LRRFIP2: variants seen among roughly 807,000 people sequenced by gnomAD.
The protein encoded by LRRFIP2 is LRR binding FLII interacting protein 2, also known as leucine-rich repeat flightless-interacting protein 2.
A neutral mutation model predicts 125.9 loss-of-function variants in LRRFIP2; 109 were observed. The ratio of observed to expected loss-of-function variants is 0.87; its 90% CI spans 0.74 to 1.01. The LOEUF (loss-of-function observed/expected upper bound fraction) is 1.01, where lower values mean the gene tolerates loss of function less well. Among genes scored for constraint, LRRFIP2 ranks in the 50% least tolerant of loss-of-function variants. LRRFIP2 has a pLI of 0.00. For missense variants in LRRFIP2, 850 were observed against 862.3 expected (o/e 0.99, Z 0.18); for synonymous variants, 291 against 293.1 (o/e 0.99, Z 0.07).
chr3:37,164,669 C>A (rs1032189185), intron 1 of LRRFIP2, among the ~76,000 whole-genome samples: 8 of 148,330 alleles, frequency 5.4e-5, no homozygotes, highest in Non-Finnish European at 8.9e-5. Context: ...TGCAGTGAGC[C>A]AAGATCATGC....
Position 37,112,978 on chromosome 3 carries a change from A to C in LRRFIP2, c.375T>G (p.Asn125Lys), listed in dbSNP as rs1458155433. The change falls in exon 8 of 28, where the codon AAT becomes AAG. Residue 125 changes from asparagine to lysine, a missense_variant and splice_region_variant. Coordinates refer to ENST00000336686, the MANE Select transcript of LRRFIP2 (RefSeq NM_006309.4). ...TTCCATGAGAGTGACTGTAAGAATG[A>C]TTCTGGAAGTAAATATTCCAAGTTA... ...KDRSSRLSSL[N>K]HSYSHSHGMK... The C allele has an allele frequency of 6.4e-7, 1 of 1,561,940 alleles. No homozygotes were observed. The highest frequency in any genetic ancestry group is 1.1e-5 in the South Asian group (1 of 87,508).
rs74270642 is a variant in LRRFIP2, at chr3:37,117,125, T to TA, written c.331-2031dup. Among the ~76,000 whole-genome samples, 1,111 of 132,794 alleles carry TA rather than the reference T, an allele frequency of 8.4e-3. 7 individuals carry two copies. The highest frequency in any genetic ancestry group is 0.012 in the Non-Finnish European group (753 of 61,206). 87.1% of individuals were successfully genotyped at this position (132,794 alleles called of 152,430 possible). A position where few individuals can be genotyped will look rare whatever the true frequency, so the allele number is the denominator to read the frequency against. On this transcript the variant is annotated intron_variant, in intron 6 of 27. Coordinates refer to ENST00000336686, the MANE Select transcript of LRRFIP2 (RefSeq NM_006309.4). ...TTAAAAAAAATCTAACCCTTTTGTT[T>TA]AAAAAAAAAAAAAAAACCTCCATGA...
chr3:37,125,364 T>C (rs534573267), intron 4 of LRRFIP2, among the ~76,000 whole-genome samples: 11 of 152,286 alleles, frequency 7.2e-5, no homozygotes, highest in South Asian at 2.1e-4. Context: ...AATAGAATCA[T>C]TGGGTTCATG....
intron 2 of LRRFIP2, among the ~76,000 whole-genome samples, chr3:37,133,700 A>T (rs1473087277): frequency 1.3e-5 from 2 of 152,216 alleles, no homozygotes; most frequent in Non-Finnish European, 2.9e-5. Context: ...GGATGATGAC[A>T]GAGTTCTTAA....
At position 37,094,623 on chromosome 3, in the gene LRRFIP2, CTTCCT is replaced by C. The variant is rs144268965; in HGVS notation, c.1035+164_1035+168del. ...ACAGAAAAAAGAACTATCTAATCTC[CTTCCT>C]TTCAAGCTCTGAAACACTTGAGTCA... On this transcript the variant is annotated intron_variant, in intron 17 of 27. Transcript: ENST00000336686. Among the ~76,000 whole-genome samples, 786 of 152,278 alleles carry C rather than the reference CTTCCT, an allele frequency of 5.2e-3. 7 individuals are homozygous for C. The highest frequency in any genetic ancestry group is 0.018 in the African/African-American group (750 of 41,554).
chr3:37,099,458 A>G (rs879515337), intron 15 of LRRFIP2, among the ~76,000 whole-genome samples: 2 of 152,228 alleles, frequency 1.3e-5, no homozygotes, highest in African/African-American at 2.4e-5. Context: ...AAGTATTTAC[A>G]GTGTAGTTTC....
chr3:37,068,652 G>C (rs577995722), intron 21 of LRRFIP2: 1 of 151,712 alleles, frequency 6.6e-6, no homozygotes, highest in South Asian at 2.1e-4. Context: ...TTTTTTTAGG[G>C]TAAAAAGTAC....
chr3:37,056,983 T>C (rs2087076462), intron 25 of LRRFIP2, among the ~76,000 whole-genome samples: 2 of 152,162 alleles, frequency 1.3e-5, no homozygotes, highest in South Asian at 4.1e-4. Flanking sequence ...CATGTGTGTT[T>C]TGAAATCCCA....
At chr3:37,055,014 A>T (rs2086412708) in intron 26 of LRRFIP2, 72 bp downstream of exon 26, 1 of 922,106 alleles carries the variant, frequency 1.1e-6, no homozygotes, top group African/African-American at 1.7e-5. Flanking sequence ...CAACCCAGGC[A>T]CTCATGGGTT....
intron 1 of LRRFIP2, among the ~76,000 whole-genome samples, chr3:37,158,923 A>G (rs1560127564): frequency 6.6e-6 from 1 of 152,202 alleles, no homozygotes; most frequent in African/African-American, 2.4e-5. Context: ...CTCAGTAGGC[A>G]AAAGAGAATA....
At chr3:37,072,274 G>C (rs2091329871) in intron 21 of LRRFIP2, among the ~76,000 whole-genome samples, 1 of 152,076 alleles carries the variant, frequency 6.6e-6, no homozygotes, top group Admixed American at 6.6e-5. Flanking sequence ...GCCAAGGTGG[G>C]TGGATTACCT....
At chr3:37,112,334 C>CAAAAAAAAAAA (rs1408342199) in intron 8 of LRRFIP2, among the ~76,000 whole-genome samples, 1 of 73,012 alleles carries the variant, frequency 1.4e-5, no homozygotes. Context: ...GACTCCATCT[C>CAAAAAAAAAAA]AAAAAAAGAA....
chr3:37,097,095 C>CA (rs762769088), intron 15 of LRRFIP2, among the ~76,000 whole-genome samples: 2 of 150,302 alleles, frequency 1.3e-5, no homozygotes, highest in African/African-American at 2.4e-5. Context: ...TACACTCAGC[C>CA]AAAAAAGTTC....
At chr3:37,097,154 C>A (rs1272353741) in intron 15 of LRRFIP2, among the ~76,000 whole-genome samples, 1 of 150,260 alleles carries the variant, frequency 6.7e-6, no homozygotes, top group East Asian at 2.0e-4. Flanking sequence ...TTTTCCCCCA[C>A]ATCAAGGATT....
At chr3:37,160,505 C>T (rs1343308394) in intron 1 of LRRFIP2, among the ~76,000 whole-genome samples, 3 of 152,054 alleles carry the variant, frequency 2.0e-5, no homozygotes, top group Admixed American at 6.6e-5. Flanking sequence ...CAGGGTCGGG[C>T]GCAGTGTCTC....
intron 6 of LRRFIP2, among the ~76,000 whole-genome samples, chr3:37,119,583 G>C (rs2094937022): frequency 6.6e-6 from 1 of 152,118 alleles, no homozygotes; most frequent in South Asian, 2.1e-4. Flanking sequence ...ACAAGAAGAG[G>C]ATTATTTTCA....
At chr3:37,126,509 T>A (rs2095278356) in intron 4 of LRRFIP2, among the ~76,000 whole-genome samples, 1 of 151,612 alleles carries the variant, frequency 6.6e-6, no homozygotes, top group African/African-American at 2.4e-5. Context: ...CCCCTTTCAA[T>A]GAAAATCTAG....
intron 4 of LRRFIP2, among the ~76,000 whole-genome samples, chr3:37,126,773 C>T (rs1446033839): frequency 1.3e-5 from 2 of 151,508 alleles, no homozygotes; most frequent in African/African-American, 4.9e-5. Flanking sequence ...GCAGGAGAAT[C>T]GCTTGAACCC....
At chr3:37,119,748 C>T (rs116722611) in intron 6 of LRRFIP2, among the ~76,000 whole-genome samples, 1,876 of 152,296 alleles carry the variant, frequency 0.012, 19 homozygotes, top group Non-Finnish European at 0.018. Flanking sequence ...GCAACCTCCG[C>T]CCACGGATCC....
Sources: gnomAD v4.1 joint callset for allele counts (sites outside exome capture counted in the v4.1 genomes callset) on GRCh38, gnomAD v4.1.1 for gene constraint, MANE v1.5 for transcripts, NCBI Gene and HGNC (gene_info 2026-07-23, HGNC 2026-07-21) for gene names.